The following DNAI7 variants were observed in gnomAD, a reference collection of about 807,000 sequenced individuals.
DNAI7 encodes dynein axonemal intermediate chain 7, also known as cancer susceptibility 1.
A neutral mutation model predicts 86.6 loss-of-function variants in DNAI7; 78 were observed. The observed-to-expected ratio is 0.90, with a 90% CI of 0.75 to 1.09. The LOEUF (loss-of-function observed/expected upper bound fraction) is 1.09. DNAI7 is among the 50% of genes least tolerant of loss of function. The probability of loss-of-function intolerance (pLI) is 0.00; values close to 1 mark genes in which losing one functional copy is unlikely to be tolerated. For synonymous variants in DNAI7, 274 were observed against 273.0 expected (o/e 1.00, Z -0.04); for missense variants, 753 against 810.2 (o/e 0.93, Z 0.86).
At chr12:25,127,327 T>C (rs573140241) in intron 9 of DNAI7, among the ~76,000 whole-genome samples, 1 of 152,148 alleles carries the variant, frequency 6.6e-6, no homozygotes, top group Non-Finnish European at 1.5e-5. Context: ...TTGTTGGCAA[T>C]GAAGCCAAAA....
In DNAI7 at chr12:25,114,878, A is replaced by G; in HGVS notation, c.1397-8T>C. 6.3e-7 allele frequency: 1 copy of G among 1,589,028 alleles called. No homozygotes were observed. The highest frequency in any genetic ancestry group is 8.6e-7 in the Non-Finnish European group (1 of 1,161,616). On this transcript the variant is annotated splice_region_variant and splice_polypyrimidine_tract_variant and intron_variant, in intron 12 of 15. Coordinates refer to ENST00000395987, the MANE Select transcript of DNAI7 (RefSeq NM_018272.5). Reference sequence around the variant, plus strand: ...CAGTTCTCCAATGTTTACCTTTATAATTGATGAAGAAAGTGACACTAGTTT... The same window carrying G: ...CAGTTCTCCAATGTTTACCTTTATAGTTGATGAAGAAAGTGACACTAGTTT...
chr12:25,107,820 T>C (rs368524903), downstream of DNAI7: 49 of 1,612,592 alleles, frequency 3.0e-5, no homozygotes, highest in Non-Finnish European at 3.9e-5. Flanking sequence ...CTTATAGTTA[T>C]GACACAATAG....
downstream of DNAI7, chr12:25,107,722 T>C: frequency 8.0e-7 from 1 of 1,243,374 alleles, no homozygotes; most frequent in Non-Finnish European, 1.1e-6. Context: ...TTTGGGGGTA[T>C]GAAGGGCAGA....
intron 9 of DNAI7, among the ~76,000 whole-genome samples, chr12:25,136,458 T>C (rs1943566896): frequency 6.6e-6 from 1 of 151,958 alleles, no homozygotes; most frequent in African/African-American, 2.4e-5. Context: ...CCCAAGTGAG[T>C]AGGAACCAGA....
At chr12:25,171,541 T>C (rs1229792551) in intron 2 of DNAI7, among the ~76,000 whole-genome samples, 2 of 152,042 alleles carry the variant, frequency 1.3e-5, no homozygotes, top group Non-Finnish European at 2.9e-5. Context: ...CTACAAGACA[T>C]TCAAAGAAGA....
intron 2 of DNAI7, among the ~76,000 whole-genome samples, chr12:25,183,113 A>G (rs1949712339): frequency 1.3e-5 from 2 of 152,190 alleles, no homozygotes; most frequent in Non-Finnish European, 2.9e-5. Flanking sequence ...GTTGGAGGCC[A>G]TTACCCTAAG....
chr12:25,164,351 C>A (rs1287796094), intron 2 of DNAI7, among the ~76,000 whole-genome samples: 1 of 151,168 alleles, frequency 6.6e-6, no homozygotes, highest in Non-Finnish European at 1.5e-5. Context: ...CCCACCCCTT[C>A]TCTCTGTGTC....
chr12:25,191,202 C>CA (rs1171741376), intron 1 of DNAI7, among the ~76,000 whole-genome samples: 4 of 152,074 alleles, frequency 2.6e-5, no homozygotes, highest in South Asian at 2.1e-4. Flanking sequence ...CACCTGAACC[C>CA]AAGAGTTCAA....
At chr12:25,154,124 T>A (rs1945879816) in intron 6 of DNAI7, among the ~76,000 whole-genome samples, 195 bp downstream of exon 6, 1 of 152,102 alleles carries the variant, frequency 6.6e-6, no homozygotes, top group Non-Finnish European at 1.5e-5. Context: ...ATGCTGACCT[T>A]AGCTAATATG....
intron 2 of DNAI7, among the ~76,000 whole-genome samples, chr12:25,178,795 G>A (rs373251965): frequency 1.2e-4 from 19 of 152,098 alleles, no homozygotes; most frequent in African/African-American, 3.1e-4. Context: ...TGGAGAAGGC[G>A]GCATTTAAGT....
Position 25,149,776 on chromosome 12 carries a change from T to C in DNAI7, c.439-2A>G. ...AATAAATTTCAATTTCTCAATTAAC[T>C]GTAAAGTAAAAGAATATTTGCATTA... On this transcript the variant is annotated splice_acceptor_variant, in intron 6 of 15. Coordinates refer to ENST00000395987, the MANE Select transcript of DNAI7 (RefSeq NM_018272.5). LOFTEE classifies it high-confidence loss of function. 1 of 1,476,274 alleles carries C rather than the reference T, an allele frequency of 6.8e-7. No individual in the cohort carries two copies. Among genetic ancestry groups the C allele is most frequent in the Non-Finnish European group, 9.4e-7 (1 of 1,063,690 alleles). The allele number at this position is 1,476,274 out of a possible 1,614,324, so 91.4% of individuals were successfully genotyped here.
At chr12:25,138,973 G>T in intron 9 of DNAI7, among the ~76,000 whole-genome samples, 1 of 151,524 alleles carries the variant, frequency 6.6e-6, no homozygotes, top group East Asian at 1.9e-4. Flanking sequence ...GATTAACCAA[G>T]AAAAGAAGAG....
intron 2 of DNAI7, among the ~76,000 whole-genome samples, chr12:25,163,331 C>T (rs1306574815): frequency 6.6e-6 from 1 of 152,088 alleles, no homozygotes; most frequent in Non-Finnish European, 1.5e-5. Flanking sequence ...GTGAAAATGG[C>T]CTGTTCCTGC....
chr12:25,176,900 T>C (rs1949017424), intron 2 of DNAI7, among the ~76,000 whole-genome samples: 1 of 146,200 alleles, frequency 6.8e-6, no homozygotes, highest in Non-Finnish European at 1.5e-5. Flanking sequence ...TTAACCATTT[T>C]CTTTTTTTTT....
At chr12:25,114,183 C>A (rs1939607826) in intron 13 of DNAI7, among the ~76,000 whole-genome samples, 1 of 152,058 alleles carries the variant, frequency 6.6e-6, no homozygotes, top group South Asian at 2.1e-4. Context: ...CAGGTGATTG[C>A]CCGCCTTGGC....
chr12:25,186,442 T>C (rs749700407), intron 2 of DNAI7, among the ~76,000 whole-genome samples: 12 of 152,336 alleles, frequency 7.9e-5, no homozygotes, highest in East Asian at 1.9e-4. Flanking sequence ...TGTAACTTGA[T>C]ACACTCTTTG....
chr12:25,168,567 C>G (rs1463111831), intron 2 of DNAI7, among the ~76,000 whole-genome samples: 1 of 152,180 alleles, frequency 6.6e-6, no homozygotes, highest in Admixed American at 6.5e-5. Context: ...CAGTTGTCCT[C>G]CAAAACCGCC....
intron 2 of DNAI7, among the ~76,000 whole-genome samples, chr12:25,181,712 G>A (rs925313066): frequency 6.6e-6 from 1 of 152,026 alleles, no homozygotes; most frequent in Non-Finnish European, 1.5e-5. Flanking sequence ...AAAAAGTGGG[G>A]AAAGGACATG....
downstream of DNAI7, chr12:25,108,034 C>T (rs146082101): frequency 7.4e-5 from 119 of 1,613,900 alleles, no homozygotes; most frequent in African/African-American, 6.3e-4. Flanking sequence ...TACCAGACTC[C>T]GACACAATGG....
Sources: gnomAD v4.1 joint callset for allele counts (sites outside exome capture counted in the v4.1 genomes callset) on GRCh38, gnomAD v4.1.1 for gene constraint, MANE v1.5 for transcripts, NCBI Gene and HGNC (gene_info 2026-07-23, HGNC 2026-07-21) for gene names.